Variants in NPHP4 observed in about 807,000 individuals in gnomAD.
NPHP4 encodes nephrocystin-4.
NPHP4 carries 151 observed loss-of-function variants against 155.8 expected under a neutral mutation model. The observed-to-expected ratio is 0.97, with a 90% CI of 0.85 to 1.11. The LOEUF (loss-of-function observed/expected upper bound fraction) is 1.11. NPHP4 is among the 50% of genes least tolerant of loss of function. The pLI is 0.00. For missense variants in NPHP4, 1,956 were observed against 1,925.7 expected (o/e 1.02, Z -0.29); for synonymous variants, 845 against 816.8 (o/e 1.03, Z -0.59).
chr1:5,866,844 A>C (rs1641284061), intron 25 of NPHP4, among the ~76,000 whole-genome samples, 186 bp downstream of exon 25: 1 of 152,236 alleles, frequency 6.6e-6, no homozygotes, highest in South Asian at 2.1e-4. Context: ...TGCTAGTAGA[A>C]AAAATAAAAA....
chr1:5,937,023 G>A (rs1351732119), intron 9 of NPHP4, among the ~76,000 whole-genome samples: 1 of 152,224 alleles, frequency 6.6e-6, no homozygotes, highest in East Asian at 1.9e-4. Flanking sequence ...AGAACGGAGT[G>A]ATATGGCCAC....
rs1322078977 is a variant in NPHP4, at chr1:5,882,298, C to T, written c.2486-2059G>A. Reference sequence around the variant, plus strand: ...CGCTTACCCAGCCATCTCTCAGTGGCGCGCTTACCCAGCCATCTCTCAGTG... The same window carrying T: ...CGCTTACCCAGCCATCTCTCAGTGGTGCGCTTACCCAGCCATCTCTCAGTG... On this transcript the variant is annotated intron_variant, in intron 18 of 29. Transcript: ENST00000378156. The surrounding 1 kb of genome is among the most constrained non-coding windows in gnomAD (Gnocchi z 5.1). 1 of 132,074 alleles carries T rather than the reference C, an allele frequency of 7.6e-6. No individual in the cohort carries two copies. The highest frequency in any genetic ancestry group is 1.7e-5 in the Non-Finnish European group (1 of 59,874). The allele number at this position is 132,074 out of a possible 1,614,324, so 8.2% of individuals were successfully genotyped here. A position where few individuals can be genotyped will look rare whatever the true frequency, so the allele number is the denominator to read the frequency against.
At position 5,947,083 on chromosome 1, in the gene NPHP4, G is replaced by A. The variant is rs573979130; in HGVS notation, c.1119+21C>T. On this transcript the variant is annotated intron_variant, in intron 9 of 29. Transcript: ENST00000378156. ...AGAGTTCACCACCAGAGGAAACCGA[G>A]TGCAAAAGGGCTGTTCTTACATTGC... The A allele has an allele frequency of 5.7e-5, 92 of 1,613,770 alleles. No homozygotes were observed. In the South Asian group the frequency reaches 9.7e-4, roughly 17 times the overall value.
In NPHP4 at chr1:5,904,644, C is replaced by A. The variant is rs755418982; in HGVS notation, c.2116G>T (p.Val706Leu). ...GCATCAAAGGTGCCATCTCTGCTCA[C>A]AGGCACGAGGATGTGGGTCAGGGCG... is the stretch of plus-strand genomic sequence containing the variant. The part of the protein sequence containing the change: ...SGALTHILVP[V>L]SRDGTFDAGS... Residue 706 changes from valine (V) to leucine (L), a missense_variant, in exon 16 of 30, where the codon GTG becomes TTG. By Grantham distance (32) the Val-to-Leu change is conservative. Coordinates refer to ENST00000378156, the MANE Select transcript of NPHP4 (RefSeq NM_015102.5). 57 of 1,611,874 alleles carry A rather than the reference C, an allele frequency of 3.5e-5. No homozygotes were observed. The highest frequency in any genetic ancestry group is 4.7e-5 in the Non-Finnish European group (55 of 1,178,438).
At chr1:5,873,187 A>G in intron 23 of NPHP4, 65 bp downstream of exon 23, 2 of 1,386,712 alleles carry the variant, frequency 1.4e-6, no homozygotes, top group Non-Finnish European at 2.0e-6. Context: ...AGAAGGACAC[A>G]AGGGTCAGGC....
chr1:5,945,159 C>A (rs1647025606), intron 9 of NPHP4, among the ~76,000 whole-genome samples: 1 of 152,194 alleles, frequency 6.6e-6, no homozygotes, highest in Admixed American at 6.5e-5. Flanking sequence ...AATTAATATT[C>A]TCTAGAAGAC....
At chr1:5,873,216 G>A (rs1053724642) in intron 23 of NPHP4, 36 bp downstream of exon 23, 3 of 1,542,606 alleles carry the variant, frequency 1.9e-6, no homozygotes, top group Non-Finnish European at 2.7e-6. Flanking sequence ...TACCCAGGAA[G>A]CCCCGAGATC....
At position 5,927,760 on chromosome 1, in the gene NPHP4, G is replaced by A. The variant is rs375090105; in HGVS notation, c.1330C>T (p.Arg444Trp). Residue 444 changes from arginine (R) to tryptophan (W), a missense_variant, in exon 11 of 30, where the codon CGG (arginine) becomes TGG (tryptophan). Physicochemically the swap from Arg to Trp is moderately radical, Grantham distance 101. Transcript: ENST00000378156. ...TCTGAGCCCAGCGAGAACTGGAACC[G>A]GAGTGTACCCGACTCCACCTGCTTC... is the stretch of plus-strand genomic sequence containing the variant. The part of the protein sequence containing the change: ...EVKQVESGTL[R>W]FQFSLGSEEH... 38 of 1,612,826 alleles carry A rather than the reference G, an allele frequency of 2.4e-5. No homozygotes were observed. The South Asian group carries it at 2.5e-4, about 11-fold the overall frequency.
At chr1:5,922,692 T>C (rs11120783) in intron 11 of NPHP4, among the ~76,000 whole-genome samples, 5,884 of 113,256 alleles carry the variant, frequency 0.052, 517 homozygotes, top group African/African-American at 0.075. Flanking sequence ...GGTGGCACTG[T>C]CTGCAGTCCT....
chr1:5,966,587 T>G (rs1158189888), intron 5 of NPHP4, among the ~76,000 whole-genome samples: 1 of 151,962 alleles, frequency 6.6e-6, no homozygotes, highest in African/African-American at 2.4e-5. Context: ...ACACATGACA[T>G]CCCCTTCGAG....
At chr1:5,962,340 C>T (rs1314292724) in intron 5 of NPHP4, among the ~76,000 whole-genome samples, 1 of 152,044 alleles carries the variant, frequency 6.6e-6, no homozygotes, top group Non-Finnish European at 1.5e-5. Context: ...ACACCATGCC[C>T]GGCCTGGAGG....
chr1:5,946,182 C>T (rs1379626973), intron 9 of NPHP4, among the ~76,000 whole-genome samples: 4 of 152,068 alleles, frequency 2.6e-5, no homozygotes, highest in Admixed American at 6.6e-5. Context: ...TTGGAACAAA[C>T]GCCCCATGGA....
intron 3 of NPHP4, among the ~76,000 whole-genome samples, chr1:5,975,663 A>G (rs1244856057): frequency 1.3e-5 from 2 of 152,050 alleles, no homozygotes; most frequent in Admixed American, 6.6e-5. Flanking sequence ...GGTATTCCAG[A>G]CTCCGAAAAG....
intron 1 of NPHP4, among the ~76,000 whole-genome samples, chr1:5,990,897 C>G (rs1256625764): frequency 6.6e-6 from 1 of 152,206 alleles, no homozygotes; most frequent in African/African-American, 2.4e-5. Flanking sequence ...TTCTGCTGAT[C>G]TATTCAGCAA....
At chr1:5,989,950 A>T (rs1229429746) in intron 1 of NPHP4, among the ~76,000 whole-genome samples, 1 of 152,212 alleles carries the variant, frequency 6.6e-6, no homozygotes, top group Non-Finnish European at 1.5e-5. Context: ...ACCCACACGG[A>T]AGTCCTGAGG....
rs114851961 is a variant in NPHP4 at position 5,889,582 on chromosome 1, C to T, written c.2304+1286G>A. 8.2e-3 allele frequency among the ~76,000 whole-genome samples: 1,256 copies of T among 152,280 alleles called. 12 individuals carry two copies. The highest frequency in any genetic ancestry group is 0.029 in the African/African-American group (1,187 of 41,538). The stretch of plus-strand genomic sequence containing the variant: ...GAGCCACTGCCACCCCACACATGCC[C>T]AGCGGGACCCGGCTCTGCCTCCCAC... On this transcript the variant is annotated intron_variant, in intron 17 of 29. Transcript: ENST00000378156. This position sits in a 1 kb window ranked among gnomAD's most constrained non-coding sequence, Gnocchi z 4.2.
At chr1:5,949,531 G>A (rs902125802) in intron 7 of NPHP4, among the ~76,000 whole-genome samples, 6 of 151,928 alleles carry the variant, frequency 3.9e-5, no homozygotes, top group Admixed American at 1.3e-4. Flanking sequence ...ACAGGAGACC[G>A]ACAATAACAG....
chr1:5,873,443 C>T (rs1277622121), intron 22 of NPHP4, 108 bp from the exon 23 acceptor site: 3 of 809,312 alleles, frequency 3.7e-6, no homozygotes, highest in African/African-American at 1.7e-5. Context: ...CCAGCCTCCT[C>T]TCACACTGAC....
intron 11 of NPHP4, among the ~76,000 whole-genome samples, chr1:5,925,180 GAAAATATTTTTTAAAA>G (rs971643625): frequency 6.6e-6 from 1 of 152,154 alleles, no homozygotes; most frequent in Admixed American, 6.5e-5. Flanking sequence ...GCCTTGGATT[GAAAATATTTTTTAAAA>G]AATGGATGGT....
Sources: gnomAD v4.1 joint callset for allele counts (sites outside exome capture counted in the v4.1 genomes callset) on GRCh38, gnomAD v4.1.1 for gene constraint, Gnocchi (gnomAD v3.1) non-coding constraint, MANE v1.5 for transcripts, NCBI Gene and HGNC (gene_info 2026-07-23, HGNC 2026-07-21) for gene names.